OXR1: variants seen among roughly 807,000 people sequenced by gnomAD.
The protein encoded by OXR1 is oxidation resistance 1, also known as oxidation resistance protein 1.
A neutral mutation model predicts 104.6 loss-of-function variants in OXR1; 41 were observed. The observed-to-expected ratio is 0.39, with a 90% CI of 0.31 to 0.51. The LOEUF (loss-of-function observed/expected upper bound fraction) is 0.51, where lower values mean the gene tolerates loss of function less well. OXR1 is among the 20% of genes least tolerant of loss of function. OXR1 has a pLI of 0.77. For synonymous variants in OXR1, 348 were observed against 348.4 expected, an observed-to-expected ratio of 1.00 and a Z score of 0.01; for missense variants, 955 against 1,031.9, an observed-to-expected ratio of 0.93 and a Z score of 1.02.
At chr8:106,694,543 G>T (rs1207610901) in intron 7 of OXR1, among the ~76,000 whole-genome samples, 2 of 117,190 alleles carry the variant, frequency 1.7e-5, no homozygotes, top group East Asian at 4.8e-4. Flanking sequence ...ATATATATTT[G>T]ATATATAAAT....
intron 3 of OXR1, among the ~76,000 whole-genome samples, chr8:106,519,478 G>A (rs940245472): frequency 6.6e-6 from 1 of 152,022 alleles, no homozygotes; most frequent in African/African-American, 2.4e-5. Context: ...TTTAGCCATT[G>A]TTCAGCCAGC....
chr8:106,329,562 T>C (rs1814626502), intron 1 of OXR1, among the ~76,000 whole-genome samples: 2 of 152,200 alleles, frequency 1.3e-5, no homozygotes, highest in South Asian at 4.2e-4. Flanking sequence ...TTAGCCCGGA[T>C]GGTCTCGATC....
intron 3 of OXR1, among the ~76,000 whole-genome samples, chr8:106,637,655 T>C (rs888320538): frequency 6.6e-6 from 1 of 152,176 alleles, no homozygotes; most frequent in Non-Finnish European, 1.5e-5. Context: ...CAAAAACCGT[T>C]TTGTCTTGCT....
chr8:106,465,360 A>G (rs1821117881), intron 2 of OXR1, among the ~76,000 whole-genome samples: 1 of 151,994 alleles, frequency 6.6e-6, no homozygotes, highest in African/African-American at 2.4e-5. Context: ...CAGAGAGGCA[A>G]TAAGAGGTCA....
intron 1 of OXR1, among the ~76,000 whole-genome samples, chr8:106,345,702 AAAC>A (rs1440303238): frequency 1.3e-5 from 2 of 152,226 alleles, no homozygotes; most frequent in African/African-American, 4.8e-5. Flanking sequence ...TTAACACATA[AAAC>A]ATACGTTTGA....
At chr8:106,412,235 G>C (rs1026674462) in intron 2 of OXR1, among the ~76,000 whole-genome samples, 1 of 151,700 alleles carries the variant, frequency 6.6e-6, no homozygotes, top group Non-Finnish European at 1.5e-5. Context: ...GGCTGCCCCA[G>C]GCTTTTTGTG....
intron 11 of OXR1, among the ~76,000 whole-genome samples, chr8:106,736,846 C>T (rs1346147168): frequency 1.3e-5 from 2 of 151,764 alleles, no homozygotes; most frequent in African/African-American, 4.8e-5. Flanking sequence ...AGAAATAAAA[C>T]AGGAGAGAGG....
At chr8:106,615,502 G>A (rs1206226265) in intron 3 of OXR1, among the ~76,000 whole-genome samples, 2 of 151,642 alleles carry the variant, frequency 1.3e-5, no homozygotes, top group African/African-American at 2.4e-5. Flanking sequence ...CAGTAAGTCC[G>A]GAGGCTGAGG....
At chr8:106,320,659 TTC>T (rs1814175227) in intron 1 of OXR1, among the ~76,000 whole-genome samples, 1 of 144,816 alleles carries the variant, frequency 6.9e-6, no homozygotes, top group East Asian at 1.9e-4. Flanking sequence ...TCTTCTCTTT[TTC>T]TCTCATTCTT....
intron 1 of OXR1, among the ~76,000 whole-genome samples, chr8:106,339,143 A>G (rs1198516407): frequency 6.6e-6 from 1 of 152,080 alleles, no homozygotes; most frequent in Non-Finnish European, 1.5e-5. Flanking sequence ...TTTATTTGAA[A>G]TACTGCTCTT....
chr8:106,570,074 C>T (rs1319515789), intron 3 of OXR1, among the ~76,000 whole-genome samples: 1 of 152,178 alleles, frequency 6.6e-6, no homozygotes, highest in African/African-American at 2.4e-5. Context: ...AGTTTGACCC[C>T]TGGCCATGAT....
chr8:106,351,939 T>C (rs1024110914), intron 1 of OXR1, among the ~76,000 whole-genome samples: 4 of 152,158 alleles, frequency 2.6e-5, no homozygotes, highest in Non-Finnish European at 4.4e-5. Flanking sequence ...TTCCCCAAGC[T>C]CACAGTTACC....
intron 9 of OXR1, among the ~76,000 whole-genome samples, chr8:106,707,947 T>C (rs2131380031): frequency 6.6e-6 from 1 of 152,290 alleles, no homozygotes; most frequent in Admixed American, 6.5e-5. Context: ...TTTTTAAAAT[T>C]ATGGTAAAAT....
chr8:106,533,712 CTTTTT>C (rs34122715), intron 3 of OXR1, among the ~76,000 whole-genome samples: 1 of 132,446 alleles, frequency 7.6e-6, no homozygotes, highest in East Asian at 2.2e-4. Context: ...GTTGAGTTTA[CTTTTT>C]TTTTTTTTTT....
chr8:106,745,695 C>T, intron 15 of OXR1, 94 bp from the exon 16 acceptor site: 1 of 590,652 alleles, frequency 1.7e-6, no homozygotes, highest in Non-Finnish European at 2.9e-6. Flanking sequence ...TACTGCCAGT[C>T]TTGGCTTTGT....
chr8:106,702,814 C>G, intron 7 of OXR1, 92 bp from the exon 8 acceptor site: 1 of 958,180 alleles, frequency 1.0e-6, no homozygotes, highest in Non-Finnish European at 1.5e-6. Flanking sequence ...TTATATATGG[C>G]CTAACATCAG....
At chr8:106,416,093 A>C (rs2000866) in intron 2 of OXR1, among the ~76,000 whole-genome samples, 60,400 of 151,954 alleles carry the variant, frequency 0.4, 15,331 homozygotes, top group African/African-American at 0.73. Context: ...GTGTAGGTAA[A>C]CTTGAGGTTA....
At chr8:106,338,341 C>T (rs898593465) in intron 1 of OXR1, among the ~76,000 whole-genome samples, 38 of 151,642 alleles carry the variant, frequency 2.5e-4, no homozygotes, top group African/African-American at 9.7e-5. Context: ...TTTGGGAGGC[C>T]GGGGTGGGCG....
chr8:106,615,243 G>A (rs1200951109), intron 3 of OXR1, among the ~76,000 whole-genome samples: 2 of 151,904 alleles, frequency 1.3e-5, no homozygotes, highest in African/African-American at 2.4e-5. Flanking sequence ...CAGCCTGACC[G>A]ACATGGTGAA....
Sources: gnomAD v4.1 joint callset for allele counts (sites outside exome capture counted in the v4.1 genomes callset) on GRCh38, gnomAD v4.1.1 for gene constraint, MANE v1.5 for transcripts, NCBI Gene and HGNC (gene_info 2026-07-23, HGNC 2026-07-21) for gene names.